The following TACR1 variants were observed in gnomAD, a reference collection of about 807,000 sequenced individuals.
TACR1 encodes the protein substance-P receptor.
In TACR1, 25 loss-of-function variants were observed where a neutral mutation model predicts 35.8. The ratio of observed to expected loss-of-function variants is 0.70; its 90% CI spans 0.51 to 0.98. TACR1 has a LOEUF of 0.98. Ranked by LOEUF, TACR1 falls within the 50% of genes least tolerant of loss-of-function variation. The pLI is 0.00. For missense variants in TACR1, 478 were observed against 522.9 expected, an observed-to-expected ratio of 0.91 and a Z score of 0.84; for synonymous variants, 195 against 206.7, an observed-to-expected ratio of 0.94 and a Z score of 0.48.
intron 1 of TACR1, among the ~76,000 whole-genome samples, chr2:75,175,249 G>A (rs1260677469): frequency 6.6e-6 from 1 of 152,180 alleles, no homozygotes; most frequent in Non-Finnish European, 1.5e-5. Context: ...CCTGCAGTGA[G>A]TGGTATTGGT....
intron 2 of TACR1, among the ~76,000 whole-genome samples, chr2:75,056,744 T>A (rs750008716): frequency 7.6e-4 from 115 of 152,016 alleles, no homozygotes; most frequent in Non-Finnish European, 1.3e-3. Context: ...CTTTAAAAAA[T>A]CCCTCCCTTT....
At chr2:75,195,315 A>C (rs3771868) in intron 1 of TACR1, among the ~76,000 whole-genome samples, 50,631 of 151,578 alleles carry the variant, frequency 0.33, 12,739 homozygotes, top group African/African-American at 0.71. Context: ...TCTAATGGAG[A>C]TATTTCTTCC....
rs539323478 is a variant in TACR1, at chr2:75,047,946, C to G, written c.*1486G>C. ...ATGAAGCTTCTGCTTCCAGCCATAT[C>G]TGGAAAAAACACAGATTTGGGAGAC... On this transcript the variant is annotated 3_prime_UTR_variant, in exon 5 of 5. Transcript: ENST00000305249. 7.9e-5 allele frequency: 12 copies of G among 152,064 alleles called. No individual in the cohort carries two copies. Among genetic ancestry groups the G allele is most frequent in the Non-Finnish European group, 1.8e-4 (12 of 68,026 alleles). The allele number at this position is 152,064 out of a possible 1,614,324, so 9.4% of individuals were successfully genotyped here.
chr2:75,098,795 C>A (rs1225353279), intron 2 of TACR1, among the ~76,000 whole-genome samples: 1 of 152,182 alleles, frequency 6.6e-6, no homozygotes, highest in Non-Finnish European at 1.5e-5. Flanking sequence ...TGCTTTGTGG[C>A]AGGCAATCTC....
At chr2:75,089,044 C>T (rs190695887) in intron 2 of TACR1, among the ~76,000 whole-genome samples, 21 of 152,228 alleles carry the variant, frequency 1.4e-4, no homozygotes, top group Non-Finnish European at 2.1e-4. Context: ...CTAGTTTTAA[C>T]GCACCCTAAC....
chr2:75,120,576 T>G lies in TACR1; in HGVS notation c.582A>C (p.Lys194Asn), dbSNP rs1356998578. ...CATGGGGAGTCATCTCTACTCACAC[T>G]TTCTCATAAATCTTGTTCGGATGCT... ...WPEHPNKIYE[K>N]VYHICVTVLI... is the part of the protein sequence containing the mutation. The change falls in exon 2 of 5, where the codon AAA becomes AAC. Residue 194 changes from lysine to asparagine, a missense_variant and splice_region_variant. Lys to Asn is a moderately conservative substitution (Grantham distance 94, BLOSUM62 0). Coordinates refer to ENST00000305249, the MANE Select transcript of TACR1 (RefSeq NM_001058.4). 1 of 1,598,038 alleles carries G rather than the reference T, an allele frequency of 6.3e-7. No homozygotes were observed. Among genetic ancestry groups the G allele is most frequent in the South Asian group, 1.1e-5 (1 of 88,944 alleles).
At chr2:75,083,646 C>T (rs1572919240) in intron 2 of TACR1, among the ~76,000 whole-genome samples, 1 of 152,138 alleles carries the variant, frequency 6.6e-6, no homozygotes, top group Non-Finnish European at 1.5e-5. Context: ...CTTCACTTCC[C>T]TTGTAAGTTG....
At chr2:75,141,081 C>A (rs1370152297) in intron 1 of TACR1, among the ~76,000 whole-genome samples, 1 of 152,150 alleles carries the variant, frequency 6.6e-6, no homozygotes, top group Non-Finnish European at 1.5e-5. Context: ...TATTTAGAGA[C>A]CTCAGGAAGG....
At chr2:75,168,210 C>G (rs1675191211) in intron 1 of TACR1, among the ~76,000 whole-genome samples, 1 of 152,072 alleles carries the variant, frequency 6.6e-6, no homozygotes, top group South Asian at 2.1e-4. Flanking sequence ...GAGCTATGAC[C>G]ATATAATAAT....
At chr2:75,154,527 CT>C (rs1227975122) in intron 1 of TACR1, 2 of 122,712 alleles carry the variant, frequency 1.6e-5, no homozygotes, top group Admixed American at 7.6e-5. Flanking sequence ...CACACACACA[CT>C]CTCTGAAGAA....
chr2:75,195,326 C>G (rs1288109203), intron 1 of TACR1, among the ~76,000 whole-genome samples: 1 of 151,428 alleles, frequency 6.6e-6, no homozygotes, highest in Non-Finnish European at 1.5e-5. Context: ...TATTTCTTCC[C>G]TCCCCTCCTC....
intron 1 of TACR1, among the ~76,000 whole-genome samples, chr2:75,162,957 G>A (rs151066895): frequency 9.1e-4 from 138 of 152,286 alleles, no homozygotes; most frequent in Admixed American, 2.6e-3. Context: ...TCCCATAAGA[G>A]ATTATACTTC....
rs535967893 is a variant in TACR1 at position 75,122,018 on chromosome 2, C to A, written c.390-1250G>T. On this transcript the variant is annotated intron_variant, in intron 1 of 4. Coordinates refer to ENST00000305249, the MANE Select transcript of TACR1 (RefSeq NM_001058.4). ...AAGTAAAGCAATTTTATTCAGTATG[C>A]GCTCAATAAATTCCCACTGGACACC... 2.6e-5 allele frequency among the ~76,000 whole-genome samples: 4 copies of A among 152,294 alleles called. No individual in the cohort carries two copies. The South Asian group carries it at 6.2e-4, about 24-fold the overall frequency.
chr2:75,188,615 G>A (rs1263927609), intron 1 of TACR1: 1 of 152,186 alleles, frequency 6.6e-6, no homozygotes, highest in Admixed American at 6.5e-5. Context: ...GGAAGTGAAG[G>A]TGAAGAAACC....
At chr2:75,176,746 G>C (rs1379506183) in intron 1 of TACR1, among the ~76,000 whole-genome samples, 1 of 152,032 alleles carries the variant, frequency 6.6e-6, no homozygotes, top group Non-Finnish European at 1.5e-5. Context: ...ATGTCAAGTA[G>C]GAAACTCTAA....
intron 2 of TACR1, among the ~76,000 whole-genome samples, chr2:75,104,327 G>A (rs912214495): frequency 1.3e-5 from 2 of 151,790 alleles, no homozygotes; most frequent in Non-Finnish European, 2.9e-5. Context: ...TGATAAAGGG[G>A]TCAATTCATC....
chr2:75,137,952 C>T (rs776943216), intron 1 of TACR1, among the ~76,000 whole-genome samples: 3 of 152,064 alleles, frequency 2.0e-5, no homozygotes, highest in Non-Finnish European at 2.9e-5. Context: ...TAGTGGTAGG[C>T]TTCATCAGTG....
intron 2 of TACR1, among the ~76,000 whole-genome samples, chr2:75,060,534 C>A (rs185469539): frequency 6.6e-6 from 1 of 152,138 alleles, no homozygotes; most frequent in East Asian, 1.9e-4. Context: ...GCCATTAGAA[C>A]TGAAAAGGAC....
intron 2 of TACR1, among the ~76,000 whole-genome samples, chr2:75,115,174 TAAATG>T: frequency 6.9e-6 from 1 of 144,714 alleles, no homozygotes; most frequent in East Asian, 1.9e-4. Context: ...GTCTATATGG[TAAATG>T]AAATAAGCAG....
Sources: gnomAD v4.1 joint callset for allele counts (sites outside exome capture counted in the v4.1 genomes callset) on GRCh38, gnomAD v4.1.1 for gene constraint, MANE v1.5 for transcripts, NCBI Gene and HGNC (gene_info 2026-07-23, HGNC 2026-07-21) for gene names.